The following ZNF407 variants were observed in gnomAD, a reference collection of about 807,000 sequenced individuals.
ZNF407 encodes the protein zinc finger protein 407.
Under a neutral mutation model 131.2 loss-of-function variants are expected in ZNF407, and 17 were observed. The ratio of observed to expected loss-of-function variants is 0.13; its 90% CI spans 0.09 to 0.19. The LOEUF is 0.19. ZNF407 is among the 10% of genes least tolerant of loss of function. The pLI, the probability that ZNF407 is intolerant of heterozygous loss-of-function variation, is 1.00. For synonymous variants in ZNF407, 1,156 were observed against 1,062.0 expected (o/e 1.09, Z -1.72); for missense variants, 2,681 against 2,830.6 (o/e 0.95, Z 1.20).
chr18:74,621,957 C>T lies in ZNF407; in HGVS notation c.-53-9010C>T, dbSNP rs181029609. 3.8e-3 allele frequency among the ~76,000 whole-genome samples: 582 copies of T among 152,238 alleles called. 11 individuals are homozygous for T. The highest frequency in any genetic ancestry group is 3.9e-3 in the East Asian group (20 of 5,172). On this transcript the variant is annotated intron_variant, in intron 1 of 8. Coordinates refer to ENST00000299687, the MANE Select transcript of ZNF407 (RefSeq NM_017757.3). The stretch of plus-strand genomic sequence containing the variant: ...GAAGACAGACCCTATTACATCTACA[C>T]GTGGTGAAATTGCCTCCACTGTTAT...
At chr18:75,056,552 T>G (rs1973564412) in intron 8 of ZNF407, among the ~76,000 whole-genome samples, 1 of 152,214 alleles carries the variant, frequency 6.6e-6, no homozygotes, top group Admixed American at 6.5e-5. Flanking sequence ...TCACATTGTT[T>G]AGTACAAGAA....
intron 4 of ZNF407, among the ~76,000 whole-genome samples, chr18:74,828,851 C>T (rs1970445103): frequency 6.8e-6 from 1 of 147,268 alleles, no homozygotes; most frequent in South Asian, 2.3e-4. Context: ...TTCATTGTTG[C>T]CTTATTGGAT....
rs1423198455 is a variant in ZNF407 at position 74,703,709 on chromosome 18, G to C, written c.4802+62587G>C. ...TATGAGATTGATTTTTTTTTTAACT[G>C]AATATGGTAATGTTTTTAATACATC... is the stretch of plus-strand genomic sequence containing the variant. On this transcript the variant is annotated intron_variant, in intron 3 of 8. Transcript: ENST00000299687. The surrounding 1 kb of genome is among the most constrained non-coding windows in gnomAD (Gnocchi z 4.1). 6.6e-6 allele frequency among the ~76,000 whole-genome samples: 1 copy of C among 151,810 alleles called. No homozygotes were observed. The highest frequency in any genetic ancestry group is 1.5e-5 in the Non-Finnish European group (1 of 67,936).
chr18:75,016,231 A>G (rs1973042725), intron 8 of ZNF407, among the ~76,000 whole-genome samples: 1 of 151,900 alleles, frequency 6.6e-6, no homozygotes, highest in Non-Finnish European at 1.5e-5. Context: ...TGAGTCAAAA[A>G]CCATGACCGT....
intron 3 of ZNF407, among the ~76,000 whole-genome samples, chr18:74,739,808 G>C (rs1357219441): frequency 6.6e-6 from 1 of 152,128 alleles, no homozygotes; most frequent in Non-Finnish European, 1.5e-5. Context: ...AACCCAACTT[G>C]TATGACATTC....
At chr18:74,727,037 A>G (rs1345855394) in intron 3 of ZNF407, among the ~76,000 whole-genome samples, 1 of 152,194 alleles carries the variant, frequency 6.6e-6, no homozygotes. Flanking sequence ...ATCAACAATT[A>G]AGATTAATTT....
At chr18:74,962,599 C>T (rs763971192) in intron 8 of ZNF407, among the ~76,000 whole-genome samples, 11 of 152,236 alleles carry the variant, frequency 7.2e-5, no homozygotes, top group Non-Finnish European at 1.2e-4. Flanking sequence ...TCTTGAACTA[C>T]GGGTATACGC....
At chr18:74,738,821 TGGA>T (rs1176880375) in intron 3 of ZNF407, among the ~76,000 whole-genome samples, 1 of 152,162 alleles carries the variant, frequency 6.6e-6, no homozygotes, top group Non-Finnish European at 1.5e-5. Context: ...GAATGAACAC[TGGA>T]GGAGGAATAC....
At chr18:74,825,851 GAA>G (rs1970402943) in intron 4 of ZNF407, among the ~76,000 whole-genome samples, 1 of 152,170 alleles carries the variant, frequency 6.6e-6, no homozygotes, top group African/African-American at 2.4e-5. Context: ...AAAACAGTCA[GAA>G]AATGTTTAGG....
At chr18:74,873,644 G>A (rs74703395) in intron 4 of ZNF407, among the ~76,000 whole-genome samples, 3 of 152,036 alleles carry the variant, frequency 2.0e-5, no homozygotes, top group Admixed American at 2.0e-4. Context: ...AGGAGGTCCT[G>A]AGGCTGCAGT....
intron 4 of ZNF407, among the ~76,000 whole-genome samples, chr18:74,805,017 G>A (rs1759631572): frequency 6.6e-6 from 1 of 152,146 alleles, no homozygotes; most frequent in South Asian, 2.1e-4. Flanking sequence ...CATAGCAATT[G>A]ACATTATGTG....
chr18:74,677,905 C>T (rs1389221560), intron 3 of ZNF407, among the ~76,000 whole-genome samples: 1 of 152,154 alleles, frequency 6.6e-6, no homozygotes, highest in Non-Finnish European at 1.5e-5. Context: ...ACTGCAACCT[C>T]TGCCTCTTGG....
At chr18:74,610,252 G>A (rs1487302673) in intron 1 of ZNF407, among the ~76,000 whole-genome samples, 1 of 152,220 alleles carries the variant, frequency 6.6e-6, no homozygotes, top group Non-Finnish European at 1.5e-5. Flanking sequence ...GTGGAGCTGT[G>A]TAATCTAACA....
intron 3 of ZNF407, among the ~76,000 whole-genome samples, chr18:74,686,644 A>G (rs144340152): frequency 3.3e-5 from 5 of 152,332 alleles, no homozygotes; most frequent in African/African-American, 1.2e-4. Context: ...GTGAAATGAA[A>G]TCTTGTGCAC....
At chr18:75,022,034 A>C (rs1477248348) in intron 8 of ZNF407, among the ~76,000 whole-genome samples, 2 of 152,102 alleles carry the variant, frequency 1.3e-5, no homozygotes, top group Non-Finnish European at 1.5e-5. Flanking sequence ...AAAAGATGGC[A>C]GATCAATCAT....
intron 8 of ZNF407, among the ~76,000 whole-genome samples, chr18:75,057,120 G>C (rs1233013802): frequency 6.6e-6 from 1 of 152,136 alleles, no homozygotes; most frequent in African/African-American, 2.4e-5. Flanking sequence ...GCATTCTCAA[G>C]CTTACTGGGC....
intron 4 of ZNF407, among the ~76,000 whole-genome samples, chr18:74,853,874 C>T (rs1343319133): frequency 1.3e-5 from 2 of 152,090 alleles, no homozygotes; most frequent in South Asian, 2.1e-4. Context: ...GGAGGGGATG[C>T]GAGCGGGGCT....
At chr18:74,761,546 A>G (rs960739382) in intron 3 of ZNF407, among the ~76,000 whole-genome samples, 2 of 152,188 alleles carry the variant, frequency 1.3e-5, no homozygotes, top group African/African-American at 4.8e-5. Context: ...AGAACTTGCT[A>G]ATAATATTGC....
At chr18:74,715,364 A>G (rs1343442977) in intron 3 of ZNF407, among the ~76,000 whole-genome samples, 1 of 152,208 alleles carries the variant, frequency 6.6e-6, no homozygotes, top group Non-Finnish European at 1.5e-5. Flanking sequence ...TACGCTGGGT[A>G]TTGTGCCAGA....
Sources: allele counts gnomAD v4.1 joint callset (sites outside exome capture counted in the v4.1 genomes callset), GRCh38; gene constraint gnomAD v4.1.1; non-coding constraint Gnocchi (gnomAD v3.1); transcripts MANE v1.5; gene names NCBI Gene and HGNC (gene_info 2026-07-23, HGNC 2026-07-21).